The following FGF14 variants were observed in gnomAD, a reference collection of about 807,000 sequenced individuals.
FGF14 encodes the protein fibroblast growth factor homologous factor 4.
In FGF14, 5 loss-of-function variants were observed where a neutral mutation model predicts 25.5. That is an observed-to-expected ratio of 0.20 (90% CI 0.10 to 0.41). FGF14 has a LOEUF of 0.41. Among genes scored for constraint, FGF14 ranks in the 10% least tolerant of loss-of-function variants. The pLI, the probability that FGF14 is intolerant of heterozygous loss-of-function variation, is 1.00. For missense variants in FGF14, 222 were observed against 320.1 expected, an observed-to-expected ratio of 0.69 and a Z score of 2.34; for synonymous variants, 138 against 118.3, an observed-to-expected ratio of 1.17 and a Z score of -1.08.
chr13:101,846,976 C>T (rs200345133), intron 3 of FGF14, among the ~76,000 whole-genome samples: 9 of 152,120 alleles, frequency 5.9e-5, no homozygotes, highest in South Asian at 2.1e-4. Context: ...CCTTTTCAAG[C>T]GGGTCCTCGA....
chr13:102,003,143 GCTTT>G (rs2039590988), intron 1 of FGF14: 1 of 152,234 alleles, frequency 6.6e-6, no homozygotes, highest in Non-Finnish European at 1.5e-5. Flanking sequence ...AAGCACCTAA[GCTTT>G]GGTTATCACT....
intron 1 of FGF14, among the ~76,000 whole-genome samples, chr13:101,998,356 G>A (rs1447490844): frequency 3.3e-5 from 5 of 151,814 alleles, no homozygotes; most frequent in Non-Finnish European, 5.9e-5. Flanking sequence ...TATGATTTAA[G>A]ACCACAAAAA....
intron 1 of FGF14, among the ~76,000 whole-genome samples, chr13:102,053,251 G>A (rs1267565937): frequency 6.6e-6 from 1 of 152,014 alleles, no homozygotes; most frequent in East Asian, 1.9e-4. Flanking sequence ...AAGACGTAGA[G>A]TGGCTGAAGC....
chr13:102,383,026 G>C (rs1191173916), intron 1 of FGF14, among the ~76,000 whole-genome samples: 1 of 151,994 alleles, frequency 6.6e-6, no homozygotes, highest in East Asian at 1.9e-4. Context: ...TTGGATAGTG[G>C]TAATGGTTGC....
rs544295020 is a variant in FGF14, at chr13:101,721,695, A to G, written c.*1136T>C. ...TAACTAACGTTTGCATTGCTGCTGC[A>G]GGAAAGAACACAACAGCCGTCTTGC... On this transcript the variant is annotated 3_prime_UTR_variant, in exon 5 of 5. Coordinates refer to ENST00000376143, the MANE Select transcript of FGF14 (RefSeq NM_004115.4). 2 of 152,292 alleles carry G rather than the reference A, an allele frequency of 1.3e-5. No homozygotes were observed. Among genetic ancestry groups the G allele is most frequent in the East Asian group, 3.9e-4 (2 of 5,176 alleles). 9.4% of individuals were successfully genotyped at this position (152,292 alleles called of 1,614,324 possible).
chr13:102,378,321 A>G (rs1437438644), intron 1 of FGF14, among the ~76,000 whole-genome samples: 1 of 151,996 alleles, frequency 6.6e-6, no homozygotes, highest in Non-Finnish European at 1.5e-5. Context: ...GGAAATCTCT[A>G]TGTCTTCCTT....
chr13:102,141,719 C>G (rs902971773), intron 1 of FGF14, among the ~76,000 whole-genome samples: 2 of 152,052 alleles, frequency 1.3e-5, no homozygotes, highest in Non-Finnish European at 2.9e-5. Flanking sequence ...TGAGTTAACA[C>G]TATTTAGTTA....
At chr13:102,229,914 C>T (rs1487480888) in intron 1 of FGF14, among the ~76,000 whole-genome samples, 4 of 152,132 alleles carry the variant, frequency 2.6e-5, no homozygotes, top group African/African-American at 9.7e-5. Flanking sequence ...ACTGAACAGC[C>T]TTCTGTTATT....
At chr13:101,806,003 TCA>T (rs1374161936) in intron 3 of FGF14, among the ~76,000 whole-genome samples, 1 of 152,006 alleles carries the variant, frequency 6.6e-6, no homozygotes, top group African/African-American at 2.4e-5. Context: ...CATATATTTA[TCA>T]GTTTCATTAT....
At chr13:102,205,984 T>TAAAAAAAAAAAAAAAAAAAAA (rs36108366) in intron 1 of FGF14, among the ~76,000 whole-genome samples, 1 of 47,442 alleles carries the variant, frequency 2.1e-5, no homozygotes, top group Non-Finnish European at 4.0e-5. Flanking sequence ...CTCCCTGTGG[T>TAAAAAAAAAAAAAAAAAAAAA]AAAAAAAAAA....
chr13:102,291,747 A>C (rs2054410473), intron 1 of FGF14, among the ~76,000 whole-genome samples: 1 of 152,106 alleles, frequency 6.6e-6, no homozygotes, highest in African/African-American at 2.4e-5. Context: ...AGAGCCCAGC[A>C]GCTACGTACA....
intron 3 of FGF14, among the ~76,000 whole-genome samples, chr13:101,753,333 T>G (rs1449124854): frequency 6.6e-6 from 1 of 151,054 alleles, no homozygotes; most frequent in Non-Finnish European, 1.5e-5. Flanking sequence ...ACACACACGG[T>G]CTGTAATTTG....
At chr13:101,787,715 T>C (rs1376693284) in intron 3 of FGF14, among the ~76,000 whole-genome samples, 2 of 152,144 alleles carry the variant, frequency 1.3e-5, no homozygotes, top group East Asian at 3.9e-4. Flanking sequence ...CCATCCATAG[T>C]GGTATGTAAG....
intron 1 of FGF14, among the ~76,000 whole-genome samples, chr13:101,900,467 G>A (rs376046462): frequency 1.6e-4 from 24 of 152,116 alleles, no homozygotes; most frequent in East Asian, 7.7e-4. Context: ...GGTACAAGTC[G>A]TCAATCTCAA....
intron 3 of FGF14, among the ~76,000 whole-genome samples, chr13:101,811,313 T>C (rs986324895): frequency 1.3e-5 from 2 of 152,230 alleles, no homozygotes; most frequent in African/African-American, 4.8e-5. Context: ...ATCTTTTTCC[T>C]GTCTCTATCA....
At chr13:101,864,928 A>G (rs1017046834) in intron 3 of FGF14, among the ~76,000 whole-genome samples, 17 of 152,294 alleles carry the variant, frequency 1.1e-4, no homozygotes, top group Middle Eastern at 6.8e-3. Context: ...ATTAACTTGA[A>G]GGATTCAAGA....
chr13:102,191,852 A>G (rs2049136469), intron 1 of FGF14, among the ~76,000 whole-genome samples: 1 of 152,236 alleles, frequency 6.6e-6, no homozygotes, highest in Non-Finnish European at 1.5e-5. Context: ...CCAAATTACA[A>G]CAGATAGTGG....
chr13:102,255,827 C>T (rs2052409945), intron 1 of FGF14, among the ~76,000 whole-genome samples: 1 of 152,196 alleles, frequency 6.6e-6, no homozygotes, highest in African/African-American at 2.4e-5. Flanking sequence ...CATCACCTAA[C>T]TTCTAAAGGG....
At chr13:101,949,783 T>A (rs727424) in intron 1 of FGF14, among the ~76,000 whole-genome samples, 12 of 152,036 alleles carry the variant, frequency 7.9e-5, no homozygotes, top group Non-Finnish European at 1.8e-4. Context: ...AACCTCAATC[T>A]CATTCATTGT....
Sources: gnomAD v4.1 joint callset for allele counts (sites outside exome capture counted in the v4.1 genomes callset) on GRCh38, gnomAD v4.1.1 for gene constraint, MANE v1.5 for transcripts, NCBI Gene and HGNC (gene_info 2026-07-23, HGNC 2026-07-21) for gene names.